MARCHF4: variants seen among roughly 807,000 people sequenced by gnomAD.
MARCHF4 encodes the protein membrane associated ring-CH-type finger 4, also known as E3 ubiquitin-protein ligase MARCHF4.
Under a neutral mutation model 43.9 loss-of-function variants are expected in MARCHF4, and 14 were observed. The observed-to-expected ratio is 0.32, with a 90% CI of 0.21 to 0.50. The LOEUF (loss-of-function observed/expected upper bound fraction) is 0.50, where lower values mean the gene tolerates loss of function less well. MARCHF4 is among the 20% of genes least tolerant of loss of function. MARCHF4 has a pLI of 0.98. For missense variants in MARCHF4, 468 were observed against 536.7 expected (o/e 0.87, Z 1.27); for synonymous variants, 226 against 213.3 (o/e 1.06, Z -0.52).
At chr2:216,319,748 G>A (rs1691848905) in intron 1 of MARCHF4, among the ~76,000 whole-genome samples, 1 of 152,038 alleles carries the variant, frequency 6.6e-6, no homozygotes, top group Non-Finnish European at 1.5e-5. Flanking sequence ...ATTGAATAAG[G>A]AAATCTACAC....
chr2:216,293,930 A>G (rs1691352508), intron 1 of MARCHF4, among the ~76,000 whole-genome samples: 1 of 89,992 alleles, frequency 1.1e-5, no homozygotes, highest in Non-Finnish European at 3.2e-5. Context: ...CTAATGACCT[A>G]AATGTGTAAT....
intron 3 of MARCHF4, among the ~76,000 whole-genome samples, chr2:216,269,082 T>C (rs1274287503): frequency 6.6e-6 from 1 of 152,138 alleles, no homozygotes; most frequent in Non-Finnish European, 1.5e-5. Flanking sequence ...TATTCTACTG[T>C]TTTAAAGCTT....
At chr2:216,351,803 T>C (rs1376544042) in intron 1 of MARCHF4, among the ~76,000 whole-genome samples, 1 of 152,234 alleles carries the variant, frequency 6.6e-6, no homozygotes, top group Non-Finnish European at 1.5e-5. Context: ...CAAAGTGCAT[T>C]ATTCTATAAA....
At chr2:216,361,435 A>G (rs1254147501) in intron 1 of MARCHF4, among the ~76,000 whole-genome samples, 1 of 152,194 alleles carries the variant, frequency 6.6e-6, no homozygotes, top group African/African-American at 2.4e-5. Context: ...CATATTGGGC[A>G]ACTGTTTCCT....
intron 1 of MARCHF4, among the ~76,000 whole-genome samples, chr2:216,337,583 AAG>A (rs1372335894): frequency 3.3e-5 from 5 of 151,854 alleles, no homozygotes; most frequent in East Asian, 1.9e-4. Flanking sequence ...AAAAAGAAAA[AAG>A]AGTTTTTAAT....
chr2:216,367,509 A>G (rs550578312), intron 1 of MARCHF4, among the ~76,000 whole-genome samples: 1 of 152,194 alleles, frequency 6.6e-6, no homozygotes, highest in Non-Finnish European at 1.5e-5. Flanking sequence ...CAGTACTCAC[A>G]TTGCTGTTAT....
chr2:216,273,457 A>G (rs1176849482), intron 3 of MARCHF4, among the ~76,000 whole-genome samples: 1 of 152,138 alleles, frequency 6.6e-6, no homozygotes, highest in Non-Finnish European at 1.5e-5. Flanking sequence ...CAGGTGCTGA[A>G]TTGCTCCACC....
At chr2:216,359,919 C>T (rs948708836) in intron 1 of MARCHF4, among the ~76,000 whole-genome samples, 2 of 152,162 alleles carry the variant, frequency 1.3e-5, no homozygotes, top group African/African-American at 4.8e-5. Context: ...TTATATCATA[C>T]CCTCCCAATT....
chr2:216,282,151 T>C (rs1464908293), intron 2 of MARCHF4, among the ~76,000 whole-genome samples: 1 of 152,072 alleles, frequency 6.6e-6, no homozygotes, highest in Non-Finnish European at 1.5e-5. Flanking sequence ...TGAAATGAAT[T>C]GAAGATGGAA....
chr2:216,349,986 C>T (rs762261569), intron 1 of MARCHF4, among the ~76,000 whole-genome samples: 1 of 152,114 alleles, frequency 6.6e-6, no homozygotes, highest in Admixed American at 6.5e-5. Flanking sequence ...TGCTCAGGGG[C>T]CTCTGGGCCT....
chr2:216,348,697 C>T (rs1487855260), intron 1 of MARCHF4, among the ~76,000 whole-genome samples: 1 of 152,174 alleles, frequency 6.6e-6, no homozygotes, highest in African/African-American at 2.4e-5. Flanking sequence ...TCCTAATAAA[C>T]TTGCTTTCAC....
In MARCHF4 at chr2:216,277,727, G is replaced by T; in HGVS notation, c.810C>A (p.Asp270Glu). The stretch of plus-strand genomic sequence containing the variant: ...TCCCGTAGCAGATCTGGAAGAGAAG[G>T]TCTTGGCGCTGCCATCTTGCCGAGG... ...FSPSARWQRQDLLFQICYGMY... is the reference protein window; with the variant it reads ...FSPSARWQRQELLFQICYGMY... The change falls in exon 3 of 4, where the codon GAC becomes GAA. Residue 270 changes from aspartate (D) to glutamate (E), a missense_variant. This residue lies in a region of MARCHF4 where 158 missense variants were observed against 251.1 expected (regional missense o/e 0.63). Transcript: ENST00000273067. 6.2e-7 allele frequency: 1 copy of T among 1,614,164 alleles called. No homozygotes were observed. Among genetic ancestry groups the T allele is most frequent in the Non-Finnish European group, 8.5e-7 (1 of 1,179,994 alleles).
chr2:216,275,522 AC>A (rs1391038294), intron 3 of MARCHF4, among the ~76,000 whole-genome samples: 1 of 152,086 alleles, frequency 6.6e-6, no homozygotes, highest in Non-Finnish European at 1.5e-5. Flanking sequence ...GAGTCAGGAG[AC>A]CTCACTTTTA....
intron 3 of MARCHF4, among the ~76,000 whole-genome samples, chr2:216,273,082 C>T (rs1244169573): frequency 2.0e-5 from 3 of 152,232 alleles, no homozygotes; most frequent in Admixed American, 2.0e-4. Flanking sequence ...GTGTCCTGCA[C>T]AGCATCCTCC....
intron 1 of MARCHF4, among the ~76,000 whole-genome samples, chr2:216,332,105 T>C (rs1330856086): frequency 6.6e-6 from 1 of 152,050 alleles, no homozygotes; most frequent in Non-Finnish European, 1.5e-5. Flanking sequence ...AAAACTGAAT[T>C]TGGGGCCGGG....
At chr2:216,295,635 C>T (rs1387134490) in intron 1 of MARCHF4, among the ~76,000 whole-genome samples, 1 of 152,252 alleles carries the variant, frequency 6.6e-6, no homozygotes, top group Admixed American at 6.5e-5. Context: ...GGAGAGGACA[C>T]TGCTTTCTTT....
chr2:216,264,967 A>C (rs2577787), intron 3 of MARCHF4, among the ~76,000 whole-genome samples: 3,981 of 152,212 alleles, frequency 0.026, 149 homozygotes, highest in African/African-American at 0.091. Flanking sequence ...CTGCTCTACA[A>C]ATTTCTTATT....
chr2:216,275,128 T>G (rs753222115), intron 3 of MARCHF4, among the ~76,000 whole-genome samples: 2 of 152,206 alleles, frequency 1.3e-5, no homozygotes, highest in African/African-American at 2.4e-5. Flanking sequence ...CTCTCAATAT[T>G]CAGCCCACTC....
intron 1 of MARCHF4, among the ~76,000 whole-genome samples, chr2:216,292,786 A>T (rs1691328277): frequency 6.6e-6 from 1 of 152,126 alleles, no homozygotes; most frequent in South Asian, 2.1e-4. Flanking sequence ...AGCGAATAGA[A>T]ATAAGCTAGG....
Sources: allele counts gnomAD v4.1 joint callset (sites outside exome capture counted in the v4.1 genomes callset), GRCh38; gene constraint gnomAD v4.1.1; regional missense constraint gnomAD v4.1.1; transcripts MANE v1.5; gene names NCBI Gene and HGNC (gene_info 2026-07-23, HGNC 2026-07-21).